The following SLC4A8 variants were observed in gnomAD, a reference collection of about 807,000 sequenced individuals.
SLC4A8 encodes the protein electroneutral sodium bicarbonate exchanger 1.
In SLC4A8, 40 loss-of-function variants were observed where a neutral mutation model predicts 125.0. The ratio of observed to expected loss-of-function variants is 0.32; its 90% CI spans 0.25 to 0.42. The LOEUF is 0.42. Among genes scored for constraint, SLC4A8 ranks in the 10% least tolerant of loss-of-function variants. SLC4A8 has a pLI of 1.00. For missense variants in SLC4A8, 863 were observed against 1,355.1 expected (o/e 0.64, Z 5.70); for synonymous variants, 456 against 476.0 (o/e 0.96, Z 0.55).
intron 11 of SLC4A8, among the ~76,000 whole-genome samples, chr12:51,467,879 T>G (rs1269534453): frequency 3.9e-5 from 6 of 152,208 alleles, no homozygotes; most frequent in Non-Finnish European, 8.8e-5. Context: ...ATTAAAAAAA[T>G]TATCATGCCA....
chr12:51,495,625 G>A (rs377063770), intron 21 of SLC4A8, among the ~76,000 whole-genome samples: 1 of 151,684 alleles, frequency 6.6e-6, no homozygotes, highest in East Asian at 1.9e-4. Flanking sequence ...ACAGGTGCCT[G>A]CCACCACACC....
chr12:51,394,423 G>A (rs971798296), intron 1 of SLC4A8, among the ~76,000 whole-genome samples: 2 of 152,204 alleles, frequency 1.3e-5, no homozygotes, highest in Admixed American at 6.5e-5. Flanking sequence ...CAGGAAGGAC[G>A]GTGCAGGCTT....
chr12:51,441,275 G>C, intron 2 of SLC4A8: 1 of 870,732 alleles, frequency 1.1e-6, no homozygotes, highest in Non-Finnish European at 1.4e-6. Context: ...ATCTAAACAA[G>C]AGGGAAAACA....
chr12:51,504,721 C>T (rs1029201589), intron 23 of SLC4A8, among the ~76,000 whole-genome samples: 4 of 152,184 alleles, frequency 2.6e-5, no homozygotes, highest in African/African-American at 9.7e-5. Context: ...CTTGTGGCAT[C>T]TGTAGTTCTG....
At chr12:51,428,561 C>T (rs1180986984) in intron 1 of SLC4A8, among the ~76,000 whole-genome samples, 3 of 152,230 alleles carry the variant, frequency 2.0e-5, no homozygotes, top group Non-Finnish European at 4.4e-5. Context: ...TTCCCCTCCT[C>T]TCCGCCAAGA....
intron 1 of SLC4A8, among the ~76,000 whole-genome samples, chr12:51,401,896 C>T (rs539056221): frequency 5.1e-4 from 78 of 152,244 alleles, no homozygotes; most frequent in African/African-American, 1.9e-3. Flanking sequence ...CCCTGAGTAG[C>T]TGGGAGTACA....
rs561683681 is a variant in SLC4A8 at position 51,506,447 on chromosome 12, G to GT, written c.3269+524dup. Among the ~76,000 whole-genome samples, 437 of 127,436 alleles carry GT rather than the reference G, an allele frequency of 3.4e-3. 2 individuals are homozygous for GT. The highest frequency in any genetic ancestry group is 0.012 in the African/African-American group (415 of 34,226). The allele number at this position is 127,436 out of a possible 152,430, so 83.6% of individuals were successfully genotyped here. On this transcript the variant is annotated intron_variant, in intron 24 of 24. Coordinates refer to ENST00000453097, the MANE Select transcript of SLC4A8 (RefSeq NM_001039960.3). Reference sequence around the variant, plus strand: ...TTTCTTTTCCTTTTTTTCTTTTTTTGTTTTTTTGAGACGGTCAGTCTCTGT... The same window carrying GT: ...TTTCTTTTCCTTTTTTTCTTTTTTTGTTTTTTTTGAGACGGTCAGTCTCTGT...
chr12:51,398,264 T>C (rs1948303545), intron 1 of SLC4A8, among the ~76,000 whole-genome samples: 1 of 152,246 alleles, frequency 6.6e-6, no homozygotes, highest in Non-Finnish European at 1.5e-5. Context: ...AAATGATTCC[T>C]TGGCATTTTA....
chr12:51,391,836 C>G (rs1047303698), intron 1 of SLC4A8: 1 of 152,420 alleles, frequency 6.6e-6, no homozygotes, highest in Non-Finnish European at 1.5e-5. Context: ...CTCAGCCCGC[C>G]CCGGGGGTGC....
intron 22 of SLC4A8, among the ~76,000 whole-genome samples, chr12:51,503,089 A>T (rs1390624078): frequency 6.6e-6 from 1 of 150,934 alleles, no homozygotes; most frequent in Non-Finnish European, 1.5e-5. Flanking sequence ...TGATCCGCCC[A>T]CCTCAGCCTC....
intron 20 of SLC4A8, 127 bp downstream of exon 20, chr12:51,493,899 T>G (rs1057264156): frequency 2.8e-6 from 2 of 718,846 alleles, no homozygotes; most frequent in Non-Finnish European, 5.1e-6. Context: ...TCTTGCCACT[T>G]AGGCTATTTT....
At chr12:51,502,478 C>A (rs1937939600) in intron 22 of SLC4A8, 1 of 151,162 alleles carries the variant, frequency 6.6e-6, no homozygotes, top group South Asian at 2.1e-4. Context: ...CTCAAGTGAT[C>A]TGCCTGCCTT....
chr12:51,490,020 T>TGGAAATACAGTGGTGCC, intron 19 of SLC4A8, 69 bp downstream of exon 19: 1 of 1,483,392 alleles, frequency 6.7e-7, no homozygotes, highest in East Asian at 2.3e-5. Flanking sequence ...TGCCAGGTGC[T>TGGAAATACAGTGGTGCC]GGAAATACAG....
At position 51,425,070 on chromosome 12, in the gene SLC4A8, C is replaced by T. The variant is rs377660344; in HGVS notation, c.48+35C>T. 5 of 1,542,196 alleles carry T rather than the reference C, an allele frequency of 3.2e-6. No homozygotes were observed. In the African/African-American group the frequency reaches 5.5e-5, roughly 17 times the overall value. On this transcript the variant is annotated intron_variant, in intron 1 of 24. Coordinates refer to ENST00000453097, the MANE Select transcript of SLC4A8 (RefSeq NM_001039960.3). ...CGCCTCCCGCGCCTCCCGCTCCTCC[C>T]CGGGGCGCAGCCTCCTCATCCTCTG...
chr12:51,453,452 T>C, intron 4 of SLC4A8, 87 bp from the exon 5 acceptor site: 1 of 1,348,714 alleles, frequency 7.4e-7, no homozygotes, highest in South Asian at 1.3e-5. Flanking sequence ...TATCCAGATA[T>C]CTTCCTCTGT....
Position 51,457,420 on chromosome 12 carries a change from C to G in SLC4A8, c.644C>G (p.Ala215Gly). The G allele has an allele frequency of 6.2e-7, 1 of 1,614,000 alleles. No individual in the cohort carries two copies. The highest frequency in any genetic ancestry group is 1.6e-4 in the Middle Eastern group (1 of 6,062). ...AGCATGAGGGTTAAAGTGCGGGAAGCCCTTCTCAAAAAGCATCATCATCAG... is the reference window on the plus strand; with the variant it reads ...AGCATGAGGGTTAAAGTGCGGGAAGGCCTTCTCAAAAAGCATCATCATCAG... ...NDSMRVKVREALLKKHHHQNE... is the reference protein window; with the variant it reads ...NDSMRVKVREGLLKKHHHQNE... The change falls in exon 6 of 25, where the codon GCC (alanine) becomes GGC (glycine). Residue 215 changes from alanine to glycine, a missense_variant. Physicochemically the swap from Ala to Gly is moderately conservative, Grantham distance 60. Coordinates refer to ENST00000453097, the MANE Select transcript of SLC4A8 (RefSeq NM_001039960.3).
chr12:51,465,201 G>A (rs1269867377), intron 11 of SLC4A8, among the ~76,000 whole-genome samples: 1 of 152,086 alleles, frequency 6.6e-6, no homozygotes, highest in Non-Finnish European at 1.5e-5. Flanking sequence ...TTTTGAGTAT[G>A]GATTTGATAT....
In SLC4A8 at chr12:51,512,234, G is replaced by A. The variant is rs1400291168; in HGVS notation, c.*4796G>A. 1 of 152,146 alleles carries A rather than the reference G, an allele frequency of 6.6e-6. No homozygotes were observed. The highest frequency in any genetic ancestry group is 1.9e-4 in the East Asian group (1 of 5,192). The allele number at this position is 152,146 out of a possible 1,614,324, so 9.4% of individuals were successfully genotyped here. A position where few individuals can be genotyped will look rare whatever the true frequency, so the allele number is the denominator to read the frequency against. ...ATCACTGTACAGCATTAACAAGGCT[G>A]GAATATGGCCCTCTGCTGTAGGGGG... is the stretch of plus-strand genomic sequence containing the variant. On this transcript the variant is annotated 3_prime_UTR_variant, in exon 25 of 25. Coordinates refer to ENST00000453097, the MANE Select transcript of SLC4A8 (RefSeq NM_001039960.3).
At chr12:51,488,148 T>G (rs967227538) in intron 17 of SLC4A8, among the ~76,000 whole-genome samples, 4 of 152,250 alleles carry the variant, frequency 2.6e-5, no homozygotes, top group Non-Finnish European at 5.9e-5. Context: ...TCGGAACTAT[T>G]ACTGAGCAAA....
Sources: allele counts gnomAD v4.1 joint callset (sites outside exome capture counted in the v4.1 genomes callset), GRCh38; gene constraint gnomAD v4.1.1; transcripts MANE v1.5; gene names NCBI Gene and HGNC (gene_info 2026-07-23, HGNC 2026-07-21).